Variants in GRM3 observed in about 807,000 individuals in gnomAD.
The protein encoded by GRM3 is glutamate metabotropic receptor 3, also known as metabotropic glutamate receptor 3.
In GRM3, 26 loss-of-function variants were observed where a neutral mutation model predicts 70.5. The observed-to-expected ratio is 0.37, with a 90% CI of 0.27 to 0.51. The LOEUF is 0.51. Among genes scored for constraint, GRM3 ranks in the 20% least tolerant of loss-of-function variants. The probability of loss-of-function intolerance (pLI) is 0.93; values close to 1 mark genes in which losing one functional copy is unlikely to be tolerated. For missense variants in GRM3, 859 were observed against 1,123.8 expected (o/e 0.76, Z 3.37); for synonymous variants, 443 against 434.9 (o/e 1.02, Z -0.23).
At chr7:86,689,715 C>T (rs1476190158) in intron 1 of GRM3, among the ~76,000 whole-genome samples, 2 of 152,008 alleles carry the variant, frequency 1.3e-5, no homozygotes, top group Non-Finnish European at 2.9e-5. Context: ...AAGAAGGATA[C>T]TGATAAGAGC....
intron 5 of GRM3, among the ~76,000 whole-genome samples, chr7:86,854,775 G>T (rs1353472973): frequency 6.6e-6 from 1 of 152,146 alleles, no homozygotes; most frequent in East Asian, 1.9e-4. Flanking sequence ...ATCCTTGTCT[G>T]CTTCATCCAC....
intron 1 of GRM3, among the ~76,000 whole-genome samples, chr7:86,663,304 A>G (rs1178785829): frequency 4.6e-5 from 7 of 151,986 alleles, no homozygotes; most frequent in Non-Finnish European, 8.8e-5. Flanking sequence ...AGAACAAGGC[A>G]GTGGTGAACT....
chr7:86,855,418 T>C (rs1411053216), intron 5 of GRM3, among the ~76,000 whole-genome samples: 1 of 152,170 alleles, frequency 6.6e-6, no homozygotes, highest in Non-Finnish European at 1.5e-5. Flanking sequence ...CCTATAAGGA[T>C]ATGTGTCTCT....
chr7:86,768,747 C>T lies in GRM3; in HGVS notation c.468+3134C>T, dbSNP rs1390090910. On this transcript the variant is annotated intron_variant, in intron 2 of 5. Coordinates refer to ENST00000361669, the MANE Select transcript of GRM3 (RefSeq NM_000840.3). ...AACAAGAGAGAAGGCTCCATTCCCT[C>T]CTCCATGGCTCCAACATTTCCTGAC... is the stretch of plus-strand genomic sequence containing the variant. Among the ~76,000 whole-genome samples the T allele has an allele frequency of 2.0e-5, 3 of 152,096 alleles. No homozygotes were observed. The South Asian group carries it at 6.2e-4, about 32-fold the overall frequency.
intron 5 of GRM3, among the ~76,000 whole-genome samples, chr7:86,853,930 C>T (rs1276649653): frequency 6.6e-6 from 1 of 152,100 alleles, no homozygotes; most frequent in Admixed American, 6.6e-5. Context: ...TTCCTGGCAT[C>T]TTGGCAGGAA....
Position 86,780,554 on chromosome 7 carries a change from A to G in GRM3, c.469-5707A>G, listed in dbSNP as rs1284371597. 2.0e-5 allele frequency among the ~76,000 whole-genome samples: 3 copies of G among 152,328 alleles called. No individual in the cohort carries two copies. In the East Asian group the frequency reaches 5.8e-4, roughly 29 times the overall value. On this transcript the variant is annotated intron_variant, in intron 2 of 5. Transcript: ENST00000361669. Reference sequence around the variant, plus strand: ...TGAACATTGAAAATAAAATGACAGTACATGCTACACATGGAAAGAGATTCT... The same window carrying G: ...TGAACATTGAAAATAAAATGACAGTGCATGCTACACATGGAAAGAGATTCT...
In GRM3 at chr7:86,862,675, T is replaced by C. The variant is rs80224663; in HGVS notation, c.2567-1607T>C. The stretch of plus-strand genomic sequence containing the variant: ...AGCCACACAAACTTGACTTCATAGA[T>C]TTTTCTTACATACCTAGCCAAGCAA... On this transcript the variant is annotated intron_variant, in intron 5 of 5. Coordinates refer to ENST00000361669, the MANE Select transcript of GRM3 (RefSeq NM_000840.3). Among the ~76,000 whole-genome samples the C allele has an allele frequency of 4.3e-3, 655 of 152,234 alleles. 3 individuals carry two copies. The highest frequency in any genetic ancestry group is 5.7e-3 in the Non-Finnish European group (385 of 68,018).
At chr7:86,709,720 C>T (rs1328172169) in intron 1 of GRM3, among the ~76,000 whole-genome samples, 1 of 151,916 alleles carries the variant, frequency 6.6e-6, no homozygotes, top group Non-Finnish European at 1.5e-5. Flanking sequence ...TAGTAGATAC[C>T]AAAGTTCTAT....
chr7:86,737,869 C>A (rs556063181), intron 1 of GRM3, among the ~76,000 whole-genome samples: 1 of 152,284 alleles, frequency 6.6e-6, no homozygotes, highest in African/African-American at 2.4e-5. Flanking sequence ...AATCTATAAG[C>A]TGGCAGACAA....
chr7:86,755,855 G>T (rs79627248), intron 1 of GRM3, among the ~76,000 whole-genome samples: 8,259 of 151,902 alleles, frequency 0.054, 343 homozygotes, highest in Non-Finnish European at 0.075. Flanking sequence ...TAAACAAAAT[G>T]GTAGTGGAAC....
At chr7:86,698,407 C>T (rs1272527488) in intron 1 of GRM3, among the ~76,000 whole-genome samples, 2 of 151,552 alleles carry the variant, frequency 1.3e-5, no homozygotes, top group Non-Finnish European at 2.9e-5. Flanking sequence ...CTGACTGGGC[C>T]AGTGCACCTA....
intron 2 of GRM3, among the ~76,000 whole-genome samples, chr7:86,767,230 T>C (rs928253881): frequency 1.6e-4 from 24 of 151,526 alleles, no homozygotes; most frequent in African/African-American, 5.8e-4. Flanking sequence ...AAAATGTAAA[T>C]AATGATAAAT....
At chr7:86,722,436 G>C (rs1156971150) in intron 1 of GRM3, among the ~76,000 whole-genome samples, 6 of 152,102 alleles carry the variant, frequency 3.9e-5, no homozygotes, top group Admixed American at 2.0e-4. Context: ...AAAAGGATGA[G>C]TTAATATCCT....
intron 5 of GRM3, among the ~76,000 whole-genome samples, chr7:86,859,090 T>A (rs1181985931): frequency 6.6e-6 from 1 of 152,148 alleles, no homozygotes; most frequent in African/African-American, 2.4e-5. Flanking sequence ...CAAGTCATCC[T>A]GCGACCTCAG....
intron 1 of GRM3, among the ~76,000 whole-genome samples, chr7:86,703,189 T>TGAAAA (rs1235838751): frequency 6.6e-6 from 1 of 151,962 alleles, no homozygotes; most frequent in Non-Finnish European, 1.5e-5. Flanking sequence ...TAAATTTAAA[T>TGAAAA]TTTATAATCA....
intron 2 of GRM3, among the ~76,000 whole-genome samples, chr7:86,767,514 CATATATATATATATATATAT>C (rs3057233): frequency 0.27 from 26,898 of 100,334 alleles, 3,071 homozygotes; most frequent in Middle Eastern, 0.31. Context: ...GGTCATACTT[CATATATATATATATATATAT>C]ATATATATAT....
intron 1 of GRM3, among the ~76,000 whole-genome samples, chr7:86,730,105 A>C (rs1795693821): frequency 6.9e-6 from 1 of 145,820 alleles, no homozygotes; most frequent in Non-Finnish European, 1.5e-5. Flanking sequence ...AAAGAGCAAA[A>C]CTCTGCCTCA....
chr7:86,725,465 T>C (rs1176208771), intron 1 of GRM3, among the ~76,000 whole-genome samples: 1 of 152,120 alleles, frequency 6.6e-6, no homozygotes, highest in Non-Finnish European at 1.5e-5. Flanking sequence ...AGGCGGAGGC[T>C]GCATCTTTCA....
chr7:86,846,385 CCAGT>C (rs892546932), intron 4 of GRM3, among the ~76,000 whole-genome samples: 24 of 152,166 alleles, frequency 1.6e-4, no homozygotes, highest in African/African-American at 5.1e-4. Context: ...CCCAAGGAAA[CCAGT>C]CAAAGTTTGA....
Sources: gnomAD v4.1 joint callset for allele counts (sites outside exome capture counted in the v4.1 genomes callset) on GRCh38, gnomAD v4.1.1 for gene constraint, MANE v1.5 for transcripts, NCBI Gene and HGNC (gene_info 2026-07-23, HGNC 2026-07-21) for gene names.